CDCP2: variants seen among roughly 807,000 people sequenced by gnomAD.
The protein encoded by CDCP2 is CUB domain containing protein 2, also known as CUB domain-containing protein 2.
A neutral mutation model predicts 31.0 loss-of-function variants in CDCP2; 31 were observed. The observed-to-expected ratio is 1.00, with a 90% CI of 0.75 to 1.35. CDCP2 has a LOEUF of 1.35. Ranked by LOEUF, CDCP2 falls within the 40% of genes most tolerant of loss-of-function variation. CDCP2 has a pLI of 0.00. For synonymous variants in CDCP2, 206 were observed against 207.9 expected (o/e 0.99, Z 0.08); for missense variants, 443 against 482.6 (o/e 0.92, Z 0.77).
chr1:54,152,727 G>A (rs555186539), intron 1 of CDCP2, 117 bp downstream of exon 1: 19 of 856,628 alleles, frequency 2.2e-5, no homozygotes, highest in Middle Eastern at 2.3e-4. Context: ...ACTCAGCCAC[G>A]TCCCCTAAAA....
intron 2 of CDCP2, 34 bp downstream of exon 2, chr1:54,144,432 C>A (rs1659424312): frequency 1.3e-6 from 2 of 1,523,276 alleles, no homozygotes; most frequent in Non-Finnish European, 1.8e-6. Context: ...CAGGTGTGAG[C>A]CACTGCAACA....
chr1:54,145,990 C>T (rs867357785), intron 1 of CDCP2, among the ~76,000 whole-genome samples: 15 of 149,250 alleles, frequency 1.0e-4, no homozygotes, highest in Middle Eastern at 3.2e-3. Flanking sequence ...AGTATTTTGA[C>T]CACACAGTCC....
chr1:54,150,354 G>A (rs1659559794), intron 1 of CDCP2, among the ~76,000 whole-genome samples: 1 of 152,146 alleles, frequency 6.6e-6, no homozygotes, highest in Non-Finnish European at 1.5e-5. Context: ...CAGCACTTTG[G>A]GAGGCCAAGG....
At chr1:54,149,681 C>A (rs1261588265) in intron 1 of CDCP2, among the ~76,000 whole-genome samples, 1 of 152,164 alleles carries the variant, frequency 6.6e-6, no homozygotes, top group African/African-American at 2.4e-5. Flanking sequence ...ATCTAACATG[C>A]TATTTATTTT....
chr1:54,133,290 C>G, exon 6 of CDCP2: 1 of 399,138 alleles, frequency 2.5e-6, no homozygotes, highest in South Asian at 1.3e-4. Flanking sequence ...AGTGTTGTTT[C>G]TTCTCTGTGG....
intron 1 of CDCP2, 62 bp downstream of exon 1, chr1:54,152,782 C>G: frequency 6.7e-7 from 1 of 1,492,348 alleles, no homozygotes; most frequent in Non-Finnish European, 9.3e-7. Flanking sequence ...TTCTTGAGCC[C>G]CTGGCTGTTG....
chr1:54,146,423 G>A (rs1005054141), intron 1 of CDCP2, among the ~76,000 whole-genome samples: 20 of 151,746 alleles, frequency 1.3e-4, no homozygotes, highest in African/African-American at 4.4e-4. Context: ...CAAGTTATCC[G>A]CCTGCCTTGG....
chr1:54,136,619 C>T lies in CDCP2; in HGVS notation c.1296+11G>A. The T allele has an allele frequency of 2.5e-6, 1 of 399,172 alleles. No homozygotes were observed. The allele number at this position is 399,172 out of a possible 1,614,324, so 24.7% of individuals were successfully genotyped here. On this transcript the variant is annotated intron_variant, in intron 5 of 5. Transcript: ENST00000530059. ...CCCTCCCTTGTGACTGCCCCTTCCC[C>T]CAGCCCCTACCTGAGACTCAGTGCC...
intron 4 of CDCP2, 182 bp downstream of exon 4, chr1:54,139,571 A>G: frequency 1.2e-6 from 2 of 1,613,350 alleles, no homozygotes; most frequent in Non-Finnish European, 1.7e-6. Flanking sequence ...CGGGAGCCGT[A>G]CCGTCCAGTC....
At chr1:54,147,511 T>C (rs1052427838) in intron 1 of CDCP2, among the ~76,000 whole-genome samples, 1 of 151,680 alleles carries the variant, frequency 6.6e-6, no homozygotes. Flanking sequence ...AGATTACAGG[T>C]GACTGCCACT....
At chr1:54,133,714 A>G (rs550179171) in intron 5 of CDCP2, among the ~76,000 whole-genome samples, 2,143 of 152,004 alleles carry the variant, frequency 0.014, 29 homozygotes, top group Non-Finnish European at 0.02. Context: ...GACTAACACC[A>G]TGAAACCCCA....
chr1:54,141,650 G>A lies in CDCP2; in HGVS notation c.428-217C>T, dbSNP rs911668215. 42 of 512,618 alleles carry A rather than the reference G, an allele frequency of 8.2e-5. No individual in the cohort carries two copies. In the East Asian group the frequency reaches 8.7e-4, roughly 11 times the overall value. The allele number at this position is 512,618 out of a possible 1,614,324, so 31.8% of individuals were successfully genotyped here. A position where few individuals can be genotyped will look rare whatever the true frequency, so the allele number is the denominator to read the frequency against. On this transcript the variant is annotated intron_variant, in intron 2 of 5. Coordinates refer to ENST00000530059, the Ensembl canonical transcript of CDCP2. ...GCCTGTTCAAATCCTCAGAGTAGCCGCACAAGGACTGTGCTGCAGTTTCTC... is the reference window on the plus strand; with the variant it reads ...GCCTGTTCAAATCCTCAGAGTAGCCACACAAGGACTGTGCTGCAGTTTCTC...
intron 2 of CDCP2, chr1:54,142,180 G>A (rs1659386568): frequency 6.6e-6 from 1 of 152,260 alleles, no homozygotes; most frequent in African/African-American, 2.4e-5. Context: ...TGACCCTTGT[G>A]ACCTTCACTG....
intron 5 of CDCP2, among the ~76,000 whole-genome samples, chr1:54,134,082 C>G (rs1246400427): frequency 6.6e-6 from 1 of 152,062 alleles, no homozygotes; most frequent in Non-Finnish European, 1.5e-5. Context: ...AATATAGAAC[C>G]AAAGGGGGCT....
intron 1 of CDCP2, among the ~76,000 whole-genome samples, chr1:54,152,193 GT>G (rs1290439187): frequency 2.0e-5 from 3 of 152,166 alleles, no homozygotes; most frequent in African/African-American, 7.2e-5. Flanking sequence ...GCTGGGTGCG[GT>G]GGCTCATGCC....
At chr1:54,134,813 G>T (rs1223215460) in intron 5 of CDCP2, among the ~76,000 whole-genome samples, 2 of 151,920 alleles carry the variant, frequency 1.3e-5, no homozygotes, top group Non-Finnish European at 2.9e-5. Flanking sequence ...TTGGCTCACT[G>T]CAACCTCTGC....
chr1:54,148,479 C>A (rs1446483465), intron 1 of CDCP2, among the ~76,000 whole-genome samples: 1 of 150,704 alleles, frequency 6.6e-6, no homozygotes, highest in Non-Finnish European at 1.5e-5. Context: ...AACCCTGAAC[C>A]CACTGATGTA....
chr1:54,148,970 AAAAAAT>A (rs1273931038), intron 1 of CDCP2, among the ~76,000 whole-genome samples: 1 of 122,048 alleles, frequency 8.2e-6, no homozygotes, highest in African/African-American at 3.0e-5. Flanking sequence ...TTGTTTAAAA[AAAAAAT>A]ATATATATAT....
At chr1:54,150,926 TG>T (rs1353934368) in intron 1 of CDCP2, among the ~76,000 whole-genome samples, 1 of 152,152 alleles carries the variant, frequency 6.6e-6, no homozygotes, top group Non-Finnish European at 1.5e-5. Context: ...TGGGCCCCTC[TG>T]TGGGAAGCTC....
Sources: gnomAD v4.1 joint callset for allele counts (sites outside exome capture counted in the v4.1 genomes callset) on GRCh38, gnomAD v4.1.1 for gene constraint, MANE v1.5 for transcripts, NCBI Gene and HGNC (gene_info 2026-07-23, HGNC 2026-07-21) for gene names.